The following RHBDD1 variants were observed in gnomAD, a reference collection of about 807,000 sequenced individuals.
RHBDD1 encodes the protein rhomboid domain containing 1.
RHBDD1 carries 38 observed loss-of-function variants against 36.3 expected under a neutral mutation model. The ratio of observed to expected loss-of-function variants is 1.05; its 90% CI spans 0.81 to 1.37. RHBDD1 has a LOEUF of 1.37. RHBDD1 is among the 40% of genes most tolerant of loss of function. The pLI, the probability that RHBDD1 is intolerant of heterozygous loss-of-function variation, is 0.00. For missense variants in RHBDD1, 393 were observed against 377.6 expected (o/e 1.04, Z -0.34); for synonymous variants, 151 against 136.5 (o/e 1.11, Z -0.74).
At chr2:226,913,897 T>C (rs760771305) in intron 7 of RHBDD1, among the ~76,000 whole-genome samples, 2 of 152,196 alleles carry the variant, frequency 1.3e-5, no homozygotes, top group Non-Finnish European at 2.9e-5. Context: ...TGAATAGCTC[T>C]AAGCTGAAAG....
At chr2:226,953,242 G>A (rs190450596) in intron 8 of RHBDD1, among the ~76,000 whole-genome samples, 108 of 152,220 alleles carry the variant, frequency 7.1e-4, no homozygotes, top group South Asian at 3.3e-3. Context: ...GTCTTTAGTG[G>A]TTAGGAAAGT....
intron 8 of RHBDD1, among the ~76,000 whole-genome samples, chr2:226,917,390 TCA>T (rs1295377333): frequency 6.6e-6 from 1 of 152,132 alleles, no homozygotes; most frequent in Non-Finnish European, 1.5e-5. Context: ...TTAAAACATT[TCA>T]GTTAAGAAAT....
intron 8 of RHBDD1, among the ~76,000 whole-genome samples, chr2:226,967,839 A>G (rs558512922): frequency 5.3e-5 from 8 of 152,202 alleles, no homozygotes. Context: ...ATTTTCATTC[A>G]GTGCCAGGGG....
upstream of RHBDD1, among the ~76,000 whole-genome samples, chr2:226,832,946 G>A (rs985620570): frequency 1.3e-5 from 2 of 152,134 alleles, no homozygotes; most frequent in African/African-American, 4.8e-5. Context: ...GGGAGGCAGA[G>A]GTTGCAGTGA....
the RHBDD1 span, among the ~76,000 whole-genome samples, chr2:226,828,739 C>CT: frequency 6.6e-6 from 1 of 152,152 alleles, no homozygotes; most frequent in African/African-American, 2.4e-5. Flanking sequence ...CTTTTGCCCA[C>CT]TTTTTAACTG....
At chr2:226,820,655 A>G in the RHBDD1 span, among the ~76,000 whole-genome samples, 18 of 150,322 alleles carry the variant, frequency 1.2e-4, no homozygotes, top group South Asian at 1.3e-3. Flanking sequence ...AAAAAAAAAA[A>G]AAAAAAAAAA....
rs79853834 is a variant in RHBDD1, at chr2:226,908,921, A to G, written c.712+43A>G. ...TTTAATAAATTTTAACTTATTTTTAAAATTATAGTGTTCAGCTCTACAGAG... is the reference window on the plus strand; with the variant it reads ...TTTAATAAATTTTAACTTATTTTTAGAATTATAGTGTTCAGCTCTACAGAG... On this transcript the variant is annotated intron_variant, in intron 7 of 8. Transcript: ENST00000392062. 1,108 of 1,260,172 alleles carry G rather than the reference A, an allele frequency of 8.8e-4. 7 individuals are homozygous for G. The African/African-American group carries it at 0.014, about 16-fold the overall frequency. The allele number at this position is 1,260,172 out of a possible 1,614,324, so 78.1% of individuals were successfully genotyped here.
At chr2:226,826,814 C>A in the RHBDD1 span, among the ~76,000 whole-genome samples, 1 of 151,010 alleles carries the variant, frequency 6.6e-6, no homozygotes, top group Non-Finnish European at 1.5e-5. Flanking sequence ...GCCACCACAC[C>A]CAGCCTGATA....
chr2:226,942,008 A>G (rs1950693806), intron 8 of RHBDD1, among the ~76,000 whole-genome samples: 1 of 152,182 alleles, frequency 6.6e-6, no homozygotes, highest in Non-Finnish European at 1.5e-5. Context: ...CTAAGTGGTA[A>G]ATATCAGATT....
intron 7 of RHBDD1, among the ~76,000 whole-genome samples, chr2:226,913,909 A>G (rs1406858638): frequency 6.6e-6 from 1 of 152,178 alleles, no homozygotes; most frequent in Non-Finnish European, 1.5e-5. Flanking sequence ...AGCTGAAAGA[A>G]TCCACTCCAT....
chr2:226,995,554 T>C lies in RHBDD1; in HGVS notation c.*32T>C, dbSNP rs1959176397. 3 of 1,419,254 alleles carry C rather than the reference T, an allele frequency of 2.1e-6. No individual in the cohort carries two copies. In the East Asian group the frequency reaches 6.9e-5, roughly 32 times the overall value. 87.9% of individuals were successfully genotyped at this position (1,419,254 alleles called of 1,614,324 possible). A position where few individuals can be genotyped will look rare whatever the true frequency, so the allele number is the denominator to read the frequency against. On this transcript the variant is annotated 3_prime_UTR_variant, in exon 9 of 9. Transcript: ENST00000392062. ...ATCTTGGGAAGACATGGCCTATTCGTGTAATTATTGCCCATTTGGCTCATT... is the reference window on the plus strand; with the variant it reads ...ATCTTGGGAAGACATGGCCTATTCGCGTAATTATTGCCCATTTGGCTCATT...
At chr2:226,971,899 C>A (rs1953585654) in intron 8 of RHBDD1, among the ~76,000 whole-genome samples, 1 of 139,922 alleles carries the variant, frequency 7.1e-6, no homozygotes, top group Non-Finnish European at 1.5e-5. Flanking sequence ...AGAGAGAAAG[C>A]AAAAGCCCAC....
chr2:226,812,742 G>A, the RHBDD1 span, among the ~76,000 whole-genome samples: 6 of 151,672 alleles, frequency 4.0e-5, no homozygotes, highest in Admixed American at 3.9e-4. Flanking sequence ...TTCTGGGAGG[G>A]GACTCATTTA....
the RHBDD1 span, among the ~76,000 whole-genome samples, chr2:226,818,292 T>G: frequency 6.7e-6 from 1 of 150,352 alleles, no homozygotes; most frequent in South Asian, 2.1e-4. Context: ...CCTGAGTAGC[T>G]GGGACTACAG....
chr2:226,865,908 GTCC>G (rs896886768), intron 4 of RHBDD1, among the ~76,000 whole-genome samples: 10 of 152,180 alleles, frequency 6.6e-5, no homozygotes, highest in African/African-American at 2.2e-4. Context: ...CTGGAGAACT[GTCC>G]TGCGATGCCT....
At chr2:226,848,128 T>C (rs756848026) in intron 3 of RHBDD1, among the ~76,000 whole-genome samples, 10 of 152,226 alleles carry the variant, frequency 6.6e-5, no homozygotes, top group Non-Finnish European at 1.3e-4. Context: ...CGGATTTTTT[T>C]TTAAGCTGTG....
chr2:226,871,459 A>C (rs978924817), intron 5 of RHBDD1, among the ~76,000 whole-genome samples: 29 of 152,326 alleles, frequency 1.9e-4, no homozygotes, highest in African/African-American at 6.5e-4. Context: ...AGATTCTCCT[A>C]GTGTTCAAAA....
chr2:226,932,093 G>T (rs1230023944), intron 8 of RHBDD1, among the ~76,000 whole-genome samples: 2 of 151,940 alleles, frequency 1.3e-5, no homozygotes, highest in African/African-American at 4.8e-5. Context: ...GTAGGATGAG[G>T]TTTGCTATTT....
intron 8 of RHBDD1, among the ~76,000 whole-genome samples, chr2:226,927,360 G>A (rs1350034146): frequency 6.8e-6 from 1 of 147,958 alleles, no homozygotes; most frequent in Non-Finnish European, 1.5e-5. Context: ...TTGTTTTTTT[G>A]TTTTAATCCT....
Sources: allele counts gnomAD v4.1 joint callset (sites outside exome capture counted in the v4.1 genomes callset), GRCh38; gene constraint gnomAD v4.1.1; transcripts MANE v1.5; gene names NCBI Gene and HGNC (gene_info 2026-07-23, HGNC 2026-07-21).